The following CNTN4 variants were observed in gnomAD, a reference collection of about 807,000 sequenced individuals.
CNTN4 encodes contactin-4.
A neutral mutation model predicts 122.5 loss-of-function variants in CNTN4; 77 were observed. That is an observed-to-expected ratio of 0.63 (90% confidence interval 0.52 to 0.76). The LOEUF is 0.76. Ranked by LOEUF, CNTN4 falls within the 30% of genes least tolerant of loss-of-function variation. The probability of loss-of-function intolerance (pLI) is 0.00; values close to 1 mark genes in which losing one functional copy is unlikely to be tolerated. For synonymous variants in CNTN4, 512 were observed against 447.0 expected (o/e 1.15, Z -1.83); for missense variants, 1,256 against 1,259.1 (o/e 1.00, Z 0.04).
At chr3:2,400,798 G>A (rs530850000) in intron 3 of CNTN4, among the ~76,000 whole-genome samples, 2 of 151,316 alleles carry the variant, frequency 1.3e-5, no homozygotes, top group South Asian at 2.1e-4. Flanking sequence ...GGATTATGCT[G>A]TGCATAATAG....
intron 3 of CNTN4, among the ~76,000 whole-genome samples, chr3:2,540,354 T>G (rs536507010): frequency 2.0e-4 from 30 of 152,014 alleles, no homozygotes; most frequent in Non-Finnish European, 4.1e-4. Flanking sequence ...ACAGCTAGTT[T>G]GGAGGCATGT....
At chr3:2,214,424 A>G (rs916063647) in intron 2 of CNTN4, among the ~76,000 whole-genome samples, 1 of 152,148 alleles carries the variant, frequency 6.6e-6, no homozygotes, top group African/African-American at 2.4e-5. Flanking sequence ...CGTGTATTTA[A>G]TATTGAGTTT....
chr3:2,699,201 G>A (rs970303391), intron 4 of CNTN4, among the ~76,000 whole-genome samples: 1 of 152,158 alleles, frequency 6.6e-6, no homozygotes. Context: ...TCAGATTAAT[G>A]AGGACTAAGA....
intron 2 of CNTN4, among the ~76,000 whole-genome samples, chr3:2,128,047 G>A (rs937956348): frequency 6.6e-6 from 1 of 152,176 alleles, no homozygotes; most frequent in Non-Finnish European, 1.5e-5. Context: ...TTTGCAGAGA[G>A]TGTTTCTCTG....
chr3:2,325,263 T>G (rs2043413026), intron 2 of CNTN4, among the ~76,000 whole-genome samples: 1 of 152,194 alleles, frequency 6.6e-6, no homozygotes, highest in Non-Finnish European at 1.5e-5. Flanking sequence ...TACAAAAATG[T>G]AGAACATGCT....
intron 2 of CNTN4, among the ~76,000 whole-genome samples, chr3:2,152,307 T>TA (rs1297837716): frequency 6.6e-6 from 1 of 152,150 alleles, no homozygotes; most frequent in African/African-American, 2.4e-5. Context: ...GAGAAGAGGT[T>TA]AGAGAAGTGA....
chr3:2,345,701 T>C (rs2044374310), intron 3 of CNTN4, among the ~76,000 whole-genome samples: 1 of 152,140 alleles, frequency 6.6e-6, no homozygotes, highest in Non-Finnish European at 1.5e-5. Context: ...AAAATACATA[T>C]TGTGCTAAGT....
intron 6 of CNTN4, 46 bp downstream of exon 6, chr3:2,745,743 G>T (rs761103002): frequency 1.3e-6 from 2 of 1,551,610 alleles, no homozygotes; most frequent in Non-Finnish European, 1.8e-6. Flanking sequence ...TTCAGTTTGT[G>T]TACCATTATA....
intron 6 of CNTN4, among the ~76,000 whole-genome samples, chr3:2,807,462 A>T (rs1181581980): frequency 2.0e-5 from 3 of 152,016 alleles, no homozygotes; most frequent in African/African-American, 7.2e-5. Flanking sequence ...TGGGAATTTC[A>T]TTTATATACA....
At chr3:2,453,480 A>G (rs1290213107) in intron 3 of CNTN4, among the ~76,000 whole-genome samples, 1 of 152,146 alleles carries the variant, frequency 6.6e-6, no homozygotes, top group Non-Finnish European at 1.5e-5. Context: ...TCATCTCAAA[A>G]TAAATGAGTG....
chr3:2,716,743 C>T (rs999692665), intron 4 of CNTN4, among the ~76,000 whole-genome samples: 2 of 152,110 alleles, frequency 1.3e-5, no homozygotes, highest in African/African-American at 2.4e-5. Context: ...TCCATTACCC[C>T]CAAAAAGAAA....
At chr3:3,045,124 A>T (rs1242058569) in intron 23 of CNTN4, among the ~76,000 whole-genome samples, 1 of 152,150 alleles carries the variant, frequency 6.6e-6, no homozygotes. Context: ...TTGAGTAGGT[A>T]AATAGCGGCC....
At chr3:2,738,933 A>G (rs1258188071) in intron 5 of CNTN4, among the ~76,000 whole-genome samples, 1 of 152,250 alleles carries the variant, frequency 6.6e-6, no homozygotes, top group Non-Finnish European at 1.5e-5. Context: ...TGTTCAATAG[A>G]ATATACTGAA....
intron 3 of CNTN4, among the ~76,000 whole-genome samples, chr3:2,418,921 T>C (rs141821861): frequency 9.1e-4 from 139 of 152,206 alleles, no homozygotes; most frequent in African/African-American, 3.3e-3. Flanking sequence ...CTACAACCCG[T>C]AGGATGAAAA....
chr3:2,990,492 A>G (rs1694956895), intron 14 of CNTN4, among the ~76,000 whole-genome samples: 1 of 152,168 alleles, frequency 6.6e-6, no homozygotes, highest in Non-Finnish European at 1.5e-5. Context: ...GGAACAAGGT[A>G]TGTTCTGTAT....
In CNTN4 at chr3:2,828,389, GATTC is replaced by G. The variant is rs2093032076; in HGVS notation, c.454+8810_454+8813del. ...AACACTGACCGTCTTGGAAATCAGT[GATTC>G]AGAAAAGGTCCTGTAATAAGGCAAA... is the stretch of plus-strand genomic sequence containing the variant. On this transcript the variant is annotated intron_variant, in intron 7 of 24. Transcript: ENST00000418658. Among the ~76,000 whole-genome samples the G allele has an allele frequency of 2.6e-5, 4 of 152,228 alleles. No individual in the cohort carries two copies. The South Asian group carries it at 8.3e-4, about 32-fold the overall frequency.
At chr3:2,487,107 G>C (rs2076184820) in intron 3 of CNTN4, among the ~76,000 whole-genome samples, 2 of 152,104 alleles carry the variant, frequency 1.3e-5, no homozygotes, top group Non-Finnish European at 2.9e-5. Flanking sequence ...ACAAAGGGCA[G>C]TTTGTAAGAA....
At chr3:2,289,201 A>G (rs1277356818) in intron 2 of CNTN4, among the ~76,000 whole-genome samples, 1 of 152,224 alleles carries the variant, frequency 6.6e-6, no homozygotes, top group Non-Finnish European at 1.5e-5. Context: ...AATATTTTAG[A>G]TGATTTCTAA....
chr3:2,227,406 G>A (rs934613678), intron 2 of CNTN4, among the ~76,000 whole-genome samples: 1 of 152,010 alleles, frequency 6.6e-6, no homozygotes. Context: ...CAGCTTCATA[G>A]TCTCATCATA....
Sources: allele counts gnomAD v4.1 joint callset (sites outside exome capture counted in the v4.1 genomes callset), GRCh38; gene constraint gnomAD v4.1.1; transcripts MANE v1.5; gene names NCBI Gene and HGNC (gene_info 2026-07-23, HGNC 2026-07-21).